Variants in MCF2L observed in about 807,000 individuals in gnomAD.
MCF2L encodes MCF.2 cell line derived transforming sequence like.
A neutral mutation model predicts 153.4 loss-of-function variants in MCF2L; 97 were observed. The observed-to-expected ratio is 0.63, with a 90% confidence interval of 0.54 to 0.75. The LOEUF is 0.75. Ranked by LOEUF, MCF2L falls within the 30% of genes least tolerant of loss-of-function variation. The probability of loss-of-function intolerance (pLI) is 0.00; values close to 1 mark genes in which losing one functional copy is unlikely to be tolerated. For synonymous variants in MCF2L, 659 were observed against 632.2 expected (o/e 1.04, Z -0.64); for missense variants, 1,347 against 1,495.2 (o/e 0.90, Z 1.64).
intron 3 of MCF2L, among the ~76,000 whole-genome samples, chr13:113,033,406 C>T (rs1456887615): frequency 4.1e-5 from 5 of 123,146 alleles, no homozygotes; most frequent in Non-Finnish European, 7.2e-5. Context: ...TGTGAGTGGA[C>T]CCCGTGGCGT....
At chr13:112,953,552 C>CA (rs1343739751) in intron 2 of MCF2L, among the ~76,000 whole-genome samples, 6 of 152,240 alleles carry the variant, frequency 3.9e-5, no homozygotes, top group Non-Finnish European at 8.8e-5. Context: ...TTTACCTCTG[C>CA]AGAGACAGGA....
At position 113,076,162 on chromosome 13, in the gene MCF2L, C is replaced by T. The variant is rs771924821; in HGVS notation, c.1500+5C>T. 7.5e-6 allele frequency: 12 copies of T among 1,606,264 alleles called. No individual in the cohort carries two copies. Among genetic ancestry groups the T allele is most frequent in the African/African-American group, 4.0e-5 (3 of 74,794 alleles). ...ATCCTCAACCAAGATCTCATGGTAACGCTGACTCGGGCTCTCCATTTGCAG... is the reference window on the plus strand; with the variant it reads ...ATCCTCAACCAAGATCTCATGGTAATGCTGACTCGGGCTCTCCATTTGCAG... On this transcript the variant is annotated splice_donor_5th_base_variant and intron_variant, in intron 12 of 29. Coordinates refer to ENST00000535094, the MANE Select transcript of MCF2L (RefSeq NM_001112732.3).
At chr13:113,038,566 T>G (rs955459303) in intron 3 of MCF2L, among the ~76,000 whole-genome samples, 3 of 152,190 alleles carry the variant, frequency 2.0e-5, no homozygotes, top group Non-Finnish European at 2.9e-5. Flanking sequence ...CAATGTTAAT[T>G]CTCTCTAAAT....
At chr13:112,939,051 A>G (rs1566650331) in intron 2 of MCF2L, among the ~76,000 whole-genome samples, 1 of 152,256 alleles carries the variant, frequency 6.6e-6, no homozygotes. Flanking sequence ...AACATGAAAT[A>G]TAAGCAGTGT....
At chr13:112,976,950 G>A (rs994976891) in intron 1 of MCF2L, among the ~76,000 whole-genome samples, 4 of 152,266 alleles carry the variant, frequency 2.6e-5, no homozygotes, top group East Asian at 1.9e-4. Flanking sequence ...GGGAGTCATC[G>A]GTTTCCACAA....
At chr13:112,984,754 A>G (rs758109273) in intron 1 of MCF2L, among the ~76,000 whole-genome samples, 21 of 152,172 alleles carry the variant, frequency 1.4e-4, no homozygotes, top group Non-Finnish European at 2.9e-4. Context: ...GGAGGAACCA[A>G]TCCCTCAGCA....
chr13:113,001,861 A>G (rs780477888), intron 1 of MCF2L: 1 of 1,549,402 alleles, frequency 6.5e-7, no homozygotes, highest in Non-Finnish European at 8.7e-7. Context: ...TGTGCCCGGG[A>G]AGGGCGTTCC....
intron 1 of MCF2L, among the ~76,000 whole-genome samples, chr13:112,988,612 G>C (rs953304557): frequency 4.0e-5 from 6 of 149,788 alleles, no homozygotes; most frequent in African/African-American, 1.5e-4. Flanking sequence ...CTGAGCAGGG[G>C]ATGGAGCTAC....
intron 1 of MCF2L, among the ~76,000 whole-genome samples, chr13:112,897,489 C>T (rs888433352): frequency 3.9e-5 from 6 of 152,130 alleles, no homozygotes; most frequent in African/African-American, 7.2e-5. Context: ...ATGGCTCAAG[C>T]GGCCATTGGA....
chr13:112,984,435 G>C (rs906875954), intron 1 of MCF2L, among the ~76,000 whole-genome samples: 1 of 151,998 alleles, frequency 6.6e-6, no homozygotes, highest in Non-Finnish European at 1.5e-5. Flanking sequence ...ATGGAGTTTC[G>C]CCATGTTGGC....
At chr13:112,929,484 A>G (rs2081440351) in intron 2 of MCF2L, among the ~76,000 whole-genome samples, 1 of 152,228 alleles carries the variant, frequency 6.6e-6, no homozygotes, top group African/African-American at 2.4e-5. Flanking sequence ...CTTCTCTTAA[A>G]TGCATTAGTA....
chr13:113,066,105 G>T lies in MCF2L; in HGVS notation c.816G>T (p.Leu272=). Residue 272 remains leucine (L), a synonymous_variant, in exon 8 of 30, where the codon CTG becomes CTT. Coordinates refer to ENST00000535094, the MANE Select transcript of MCF2L (RefSeq NM_001112732.3). ...GHSVLESLRE[L]QAEGSEPSVN... is the part of the protein sequence containing the mutation. ...GTGTCCTGGAGAGCCTCAGGGAGCT[G>T]CAGGCTGAGGGCTCAGAGCCCAGTG... The T allele has an allele frequency of 6.2e-7, 1 of 1,613,262 alleles. No individual in the cohort carries two copies. Among genetic ancestry groups the T allele is most frequent in the African/African-American group, 1.3e-5 (1 of 75,068 alleles).
At chr13:113,038,743 TAA>T (rs1427859777) in intron 3 of MCF2L, among the ~76,000 whole-genome samples, 1 of 152,210 alleles carries the variant, frequency 6.6e-6, no homozygotes, top group East Asian at 1.9e-4. Context: ...TGCCAAATAT[TAA>T]GACATTATTA....
chr13:112,999,410 ACAGCCTCTGG>A (rs1429349500), intron 1 of MCF2L, among the ~76,000 whole-genome samples: 2 of 152,170 alleles, frequency 1.3e-5, no homozygotes, highest in Non-Finnish European at 2.9e-5. Flanking sequence ...TCCTTAGAGG[ACAGCCTCTGG>A]CACCGCTCAC....
chr13:113,063,829 A>T (rs2031941829), intron 5 of MCF2L: 3 of 421,562 alleles, frequency 7.1e-6, no homozygotes, highest in Non-Finnish European at 1.4e-5. Context: ...CATCCTTCAC[A>T]TCATCCACTC....
intron 1 of MCF2L, among the ~76,000 whole-genome samples, chr13:112,988,727 GA>G (rs2082756099): frequency 6.8e-6 from 1 of 147,078 alleles, no homozygotes; most frequent in Non-Finnish European, 1.5e-5. Flanking sequence ...GCAGGGGATG[GA>G]GCTACCACAC....
At chr13:112,974,560 A>G (rs1259470779) in intron 1 of MCF2L, among the ~76,000 whole-genome samples, 1 of 152,188 alleles carries the variant, frequency 6.6e-6, no homozygotes, top group African/African-American at 2.4e-5. Flanking sequence ...ACATTTGTTG[A>G]TCATCAATAC....
chr13:113,013,687 A>T (rs567715259), intron 1 of MCF2L, among the ~76,000 whole-genome samples: 1 of 152,224 alleles, frequency 6.6e-6, no homozygotes, highest in Non-Finnish European at 1.5e-5. Flanking sequence ...AGCCATTCTC[A>T]GGTCATCAGC....
chr13:113,016,928 G>A (rs1338988202), intron 2 of MCF2L, among the ~76,000 whole-genome samples: 1 of 152,214 alleles, frequency 6.6e-6, no homozygotes, highest in South Asian at 2.1e-4. Context: ...CCGGCTTCTA[G>A]AGGTGCACCC....
Sources: gnomAD v4.1 joint callset for allele counts (sites outside exome capture counted in the v4.1 genomes callset) on GRCh38, gnomAD v4.1.1 for gene constraint, MANE v1.5 for transcripts, NCBI Gene and HGNC (gene_info 2026-07-23, HGNC 2026-07-21) for gene names.